The following PLCH1 variants were observed in gnomAD, a reference collection of about 807,000 sequenced individuals.
PLCH1 encodes the protein 1-phosphatidylinositol 4,5-bisphosphate phosphodiesterase eta-1.
A neutral mutation model predicts 126.7 loss-of-function variants in PLCH1; 60 were observed. The ratio of observed to expected loss-of-function variants is 0.47; its 90% CI spans 0.38 to 0.59. PLCH1 has a LOEUF of 0.59. Ranked by LOEUF, PLCH1 falls within the 20% of genes least tolerant of loss-of-function variation. The pLI is 0.00. For missense variants in PLCH1, 1,723 were observed against 2,040.0 expected (o/e 0.84, Z 2.99); for synonymous variants, 719 against 734.9 (o/e 0.98, Z 0.35).
chr3:155,568,375 T>A lies in PLCH1; in HGVS notation c.772-51A>T, dbSNP rs781602156. 13 of 756,854 alleles carry A rather than the reference T, an allele frequency of 1.7e-5. No homozygotes were observed. In the South Asian group the frequency reaches 1.9e-4, roughly 11 times the overall value. The allele number at this position is 756,854 out of a possible 1,614,324, so 46.9% of individuals were successfully genotyped here. A position where few individuals can be genotyped will look rare whatever the true frequency, so the allele number is the denominator to read the frequency against. ...GTACCTGCAATTTCATAAACTATGTTCCTCCACAGTAGAAAGACATTTACT... is the reference window on the plus strand; with the variant it reads ...GTACCTGCAATTTCATAAACTATGTACCTCCACAGTAGAAAGACATTTACT... On this transcript the variant is annotated intron_variant, in intron 6 of 22. Coordinates refer to ENST00000460012, the MANE Select transcript of PLCH1 (RefSeq NM_014996.4).
intron 10 of PLCH1, among the ~76,000 whole-genome samples, chr3:155,545,253 C>A (rs201228868): frequency 7.3e-6 from 1 of 137,752 alleles, no homozygotes; most frequent in South Asian, 2.2e-4. Flanking sequence ...GAGAATACTA[C>A]AAACACCTCT....
intron 21 of PLCH1, among the ~76,000 whole-genome samples, chr3:155,465,014 C>T (rs921671354): frequency 9.4e-5 from 14 of 149,506 alleles, no homozygotes; most frequent in Non-Finnish European, 1.5e-4. Flanking sequence ...GAGGCTGAGG[C>T]AGGAGAATGG....
intron 2 of PLCH1, among the ~76,000 whole-genome samples, chr3:155,656,150 A>C (rs1406127859): frequency 6.6e-6 from 1 of 150,522 alleles, no homozygotes; most frequent in Admixed American, 6.8e-5. Flanking sequence ...TTTTCATAGA[A>C]GGAATAGAGA....
At chr3:155,532,268 G>C (rs1021709219) in intron 10 of PLCH1, among the ~76,000 whole-genome samples, 4 of 152,168 alleles carry the variant, frequency 2.6e-5, no homozygotes, top group Non-Finnish European at 5.9e-5. Flanking sequence ...ACTACTGCAG[G>C]AACATACCAG....
rs144510930 is a variant in PLCH1 at position 155,563,404 on chromosome 3, A to G, written c.1069+1511T>C. Among the ~76,000 whole-genome samples, 153 of 152,308 alleles carry G rather than the reference A, an allele frequency of 1.0e-3. 4 individuals carry two copies. Among genetic ancestry groups the G allele is most frequent in the African/African-American group, 2.9e-3 (122 of 41,572 alleles). On this transcript the variant is annotated intron_variant, in intron 8 of 22. Transcript: ENST00000460012. ...TTAGACTCTTGTTCTCAGATTCCCTATAGTATGGAGTGGCACCATCCACCT... is the reference window on the plus strand; with the variant it reads ...TTAGACTCTTGTTCTCAGATTCCCTGTAGTATGGAGTGGCACCATCCACCT...
intron 8 of PLCH1, among the ~76,000 whole-genome samples, chr3:155,560,261 T>A (rs1161019214): frequency 6.6e-6 from 1 of 152,202 alleles, no homozygotes; most frequent in Non-Finnish European, 1.5e-5. Context: ...GTGAATCCAA[T>A]GAGGCTGTGT....
chr3:155,491,748 G>A (rs1416167192), intron 18 of PLCH1, among the ~76,000 whole-genome samples: 1 of 152,148 alleles, frequency 6.6e-6, no homozygotes, highest in Non-Finnish European at 1.5e-5. Context: ...GAGGCAGTGG[G>A]GAGGGTAGAT....
intron 12 of PLCH1, among the ~76,000 whole-genome samples, chr3:155,511,492 A>G (rs1719482535): frequency 9.0e-6 from 1 of 110,946 alleles, no homozygotes; most frequent in Non-Finnish European, 1.7e-5. Context: ...GGTTTTATCT[A>G]CTTTTGGTCT....
intron 21 of PLCH1, among the ~76,000 whole-genome samples, chr3:155,467,730 C>T (rs544095943): frequency 6.6e-6 from 1 of 152,220 alleles, no homozygotes; most frequent in East Asian, 1.9e-4. Context: ...AAACTCTTAC[C>T]CTAAAATAGT....
rs146130342 is a variant in PLCH1 at position 155,659,750 on chromosome 3, C to T, written c.79+44396G>A. The stretch of plus-strand genomic sequence containing the variant: ...CTGACCTCAGGTGATCCAGCCACCT[C>T]GGCCTCCCAAAGGACTGGGATTACA... On this transcript the variant is annotated intron_variant, in intron 2 of 22. Coordinates refer to ENST00000460012, the MANE Select transcript of PLCH1 (RefSeq NM_014996.4). Among the ~76,000 whole-genome samples, 122 of 152,114 alleles carry T rather than the reference C, an allele frequency of 8.0e-4. 2 individuals are homozygous for T. In the East Asian group the frequency reaches 0.019, roughly 23 times the overall value.
intron 6 of PLCH1, among the ~76,000 whole-genome samples, chr3:155,574,520 T>C (rs1473019370): frequency 6.6e-6 from 1 of 152,206 alleles, no homozygotes; most frequent in East Asian, 1.9e-4. Context: ...GTTGCTCCTC[T>C]CCTGTTCTCT....
intron 1 of PLCH1, among the ~76,000 whole-genome samples, chr3:155,740,480 T>C (rs757041209): frequency 1.3e-5 from 2 of 151,704 alleles, no homozygotes; most frequent in African/African-American, 2.4e-5. Context: ...GGTTAAATCA[T>C]ATGACATTGC....
intron 2 of PLCH1, among the ~76,000 whole-genome samples, chr3:155,703,942 T>C (rs930518984): frequency 6.6e-6 from 1 of 152,192 alleles, no homozygotes; most frequent in Non-Finnish European, 1.5e-5. Context: ...AACACTATTA[T>C]AGTCGTTGAG....
At chr3:155,625,632 C>G (rs1057390487) in intron 2 of PLCH1, among the ~76,000 whole-genome samples, 1 of 152,210 alleles carries the variant, frequency 6.6e-6, no homozygotes, top group Non-Finnish European at 1.5e-5. Context: ...AAAAGCTCAT[C>G]ATCACTGGTC....
intron 2 of PLCH1, among the ~76,000 whole-genome samples, chr3:155,654,291 A>T (rs1363071314): frequency 2.0e-5 from 3 of 151,746 alleles, no homozygotes; most frequent in Admixed American, 6.6e-5. Context: ...GGAGCCCAGG[A>T]CTCAGCCTAT....
chr3:155,696,314 G>A (rs1559943443), intron 2 of PLCH1, among the ~76,000 whole-genome samples: 1 of 152,136 alleles, frequency 6.6e-6, no homozygotes, highest in Non-Finnish European at 1.5e-5. Flanking sequence ...ACAAACTGCA[G>A]TTTTTCAACT....
chr3:155,612,630 G>A (rs1735258855), intron 2 of PLCH1, among the ~76,000 whole-genome samples: 1 of 151,992 alleles, frequency 6.6e-6, no homozygotes. Flanking sequence ...AAAAGAGAGG[G>A]CTGGGCTTGG....
chr3:155,555,602 C>T (rs548658989), intron 8 of PLCH1, among the ~76,000 whole-genome samples: 1 of 152,326 alleles, frequency 6.6e-6, no homozygotes, highest in Admixed American at 6.5e-5. Context: ...AATTACCATG[C>T]TAGCTCCTGT....
Position 155,480,844 on chromosome 3 carries a change from G to C in PLCH1, c.*124C>G. 2 of 821,062 alleles carry C rather than the reference G, an allele frequency of 2.4e-6. No individual in the cohort carries two copies. The highest frequency in any genetic ancestry group is 3.5e-5 in the South Asian group (2 of 57,168). The allele number at this position is 821,062 out of a possible 1,614,324, so 50.9% of individuals were successfully genotyped here. Reference sequence around the variant, plus strand: ...CAGGGAGAACACATGAAGTCAAAGGGAGACCCAAATACAAGTTTAAAAATA... The same window carrying C: ...CAGGGAGAACACATGAAGTCAAAGGCAGACCCAAATACAAGTTTAAAAATA... On this transcript the variant is annotated 3_prime_UTR_variant, in exon 23 of 23. Coordinates refer to ENST00000460012, the MANE Select transcript of PLCH1 (RefSeq NM_014996.4).
Sources: allele counts gnomAD v4.1 joint callset (sites outside exome capture counted in the v4.1 genomes callset), GRCh38; gene constraint gnomAD v4.1.1; transcripts MANE v1.5; gene names NCBI Gene and HGNC (gene_info 2026-07-23, HGNC 2026-07-21).